FMN1: variants seen among roughly 807,000 people sequenced by gnomAD.
The protein encoded by FMN1 is formin 1.
A neutral mutation model predicts 132.4 loss-of-function variants in FMN1; 110 were observed. The ratio of observed to expected loss-of-function variants is 0.83; its 90% CI spans 0.71 to 0.97. FMN1 has a LOEUF of 0.97. Among genes scored for constraint, FMN1 ranks in the 50% least tolerant of loss-of-function variants. The pLI, the probability that FMN1 is intolerant of heterozygous loss-of-function variation, is 0.00. For synonymous variants in FMN1, 722 were observed against 651.7 expected, an observed-to-expected ratio of 1.11 and a Z score of -1.64; for missense variants, 1,792 against 1,705.3, an observed-to-expected ratio of 1.05 and a Z score of -0.90.
intron 7 of FMN1, among the ~76,000 whole-genome samples, chr15:33,006,788 C>T (rs1466215711): frequency 6.6e-6 from 1 of 151,974 alleles, no homozygotes; most frequent in Non-Finnish European, 1.5e-5. Flanking sequence ...ATATGCCAAG[C>T]ACAGAAAGAC....
intron 17 of FMN1, among the ~76,000 whole-genome samples, chr15:32,847,689 C>T (rs2058891725): frequency 6.6e-6 from 1 of 152,168 alleles, no homozygotes; most frequent in Non-Finnish European, 1.5e-5. Flanking sequence ...CCCGTCTCTA[C>T]TAAAAATTAC....
chr15:32,978,698 G>C (rs544829512), intron 7 of FMN1, among the ~76,000 whole-genome samples: 117 of 152,184 alleles, frequency 7.7e-4, no homozygotes, highest in Non-Finnish European at 1.4e-3. Flanking sequence ...TGACAAACTG[G>C]GGTTCTCCAA....
At chr15:32,920,198 G>A (rs1232001866) in intron 10 of FMN1, among the ~76,000 whole-genome samples, 1 of 152,102 alleles carries the variant, frequency 6.6e-6, no homozygotes, top group Non-Finnish European at 1.5e-5. Context: ...AAGAATAAGA[G>A]GAACTCACTA....
chr15:33,126,376 G>A (rs1004930623), intron 4 of FMN1, among the ~76,000 whole-genome samples: 4 of 152,170 alleles, frequency 2.6e-5, no homozygotes, highest in African/African-American at 9.6e-5. Flanking sequence ...AGAGCAGCAC[G>A]CAGTGTGCAC....
chr15:32,921,016 G>A (rs2060807235), intron 10 of FMN1, among the ~76,000 whole-genome samples: 1 of 152,140 alleles, frequency 6.6e-6, no homozygotes, highest in African/African-American at 2.4e-5. Context: ...GCAAGGTGCT[G>A]GGGATACATC....
chr15:33,146,742 A>C (rs1964237018), intron 4 of FMN1, among the ~76,000 whole-genome samples: 1 of 152,176 alleles, frequency 6.6e-6, no homozygotes, highest in South Asian at 2.1e-4. Flanking sequence ...AACAGAAGTC[A>C]CTATCCCTGT....
At chr15:33,035,832 C>A (rs1304109915) in intron 6 of FMN1, among the ~76,000 whole-genome samples, 1 of 152,166 alleles carries the variant, frequency 6.6e-6, no homozygotes, top group East Asian at 1.9e-4. Context: ...AGAGGCAGGG[C>A]CTTTAAGAGG....
chr15:33,091,618 T>C (rs1017549420), intron 4 of FMN1, among the ~76,000 whole-genome samples: 5 of 152,214 alleles, frequency 3.3e-5, no homozygotes, highest in African/African-American at 1.2e-4. Flanking sequence ...CTCAAAAGTC[T>C]GACAAAGTAG....
intron 5 of FMN1, among the ~76,000 whole-genome samples, chr15:33,087,008 G>A (rs947914729): frequency 6.6e-6 from 1 of 152,170 alleles, no homozygotes; most frequent in Non-Finnish European, 1.5e-5. Context: ...TAATGAGCCG[G>A]AGAACACAAG....
intron 9 of FMN1, among the ~76,000 whole-genome samples, chr15:32,940,971 G>A (rs2061388551): frequency 6.6e-6 from 1 of 152,024 alleles, no homozygotes; most frequent in Admixed American, 6.6e-5. Flanking sequence ...CATATTAAAA[G>A]GAGTTAGTTA....
chr15:32,987,050 T>C (rs2033113450), intron 7 of FMN1, among the ~76,000 whole-genome samples: 1 of 152,182 alleles, frequency 6.6e-6, no homozygotes, highest in Non-Finnish European at 1.5e-5. Context: ...GGGTTATAGA[T>C]GGCTACATTT....
Position 32,768,103 on chromosome 15 carries a change from A to G in FMN1, c.*6207T>C, listed in dbSNP as rs977385409. ...GAGCAGTATAATTTTTGTATGCTAT[A>G]AACTCCTTTTTATACATCTCCTATA... On this transcript the variant is annotated 3_prime_UTR_variant, in exon 21 of 21. Coordinates refer to ENST00000616417, the MANE Select transcript of FMN1 (RefSeq NM_001277313.2). The G allele has an allele frequency of 1.3e-5, 2 of 152,214 alleles. No individual in the cohort carries two copies. The highest frequency in any genetic ancestry group is 2.4e-5 in the African/African-American group (1 of 41,456). 9.4% of individuals were successfully genotyped at this position (152,214 alleles called of 1,614,324 possible). A position where few individuals can be genotyped will look rare whatever the true frequency, so the allele number is the denominator to read the frequency against.
rs908303151 is a variant in FMN1 at position 32,969,340 on chromosome 15, C to T, written c.2361G>A (p.Val787=). The T allele has an allele frequency of 6.2e-7, 1 of 1,613,966 alleles. No homozygotes were observed. Among genetic ancestry groups the T allele is most frequent in the Non-Finnish European group, 8.5e-7 (1 of 1,179,882 alleles). ...WRGGCEERKD[V]CISTDDDCPP... is the part of the protein sequence containing the mutation. ...GGCAGTCATCATCGGTGGAAATGCA[C>T]ACATCTTTCCTCTCTTCACAACCCC... Residue 787 remains valine, a synonymous_variant, in exon 8 of 21, where the codon GTG becomes GTA. Coordinates refer to ENST00000616417, the MANE Select transcript of FMN1 (RefSeq NM_001277313.2).
At chr15:32,798,656 G>A (rs762143934) in intron 19 of FMN1, 148 bp downstream of exon 19, 19 of 656,248 alleles carry the variant, frequency 2.9e-5, no homozygotes, top group Non-Finnish European at 3.9e-5. Flanking sequence ...ATTTCCCTAC[G>A]ATCCCTGAGG....
At chr15:32,803,888 C>T (rs1321713075) in intron 18 of FMN1, among the ~76,000 whole-genome samples, 1 of 152,138 alleles carries the variant, frequency 6.6e-6, no homozygotes, top group Non-Finnish European at 1.5e-5. Flanking sequence ...AAAAATATTC[C>T]TAAGTCCTGC....
chr15:33,023,787 G>A (rs1237883388), intron 6 of FMN1, among the ~76,000 whole-genome samples: 1 of 152,164 alleles, frequency 6.6e-6, no homozygotes, highest in Non-Finnish European at 1.5e-5. Flanking sequence ...GCAACATATG[G>A]AAACATAATA....
chr15:33,102,843 G>A (rs145557879), intron 4 of FMN1, among the ~76,000 whole-genome samples: 2 of 152,066 alleles, frequency 1.3e-5, no homozygotes, highest in Non-Finnish European at 2.9e-5. Flanking sequence ...TCAGTGTAAA[G>A]AAATGTACTT....
At chr15:32,895,673 T>C (rs964503592) in intron 15 of FMN1, among the ~76,000 whole-genome samples, 1 of 152,202 alleles carries the variant, frequency 6.6e-6, no homozygotes, top group African/African-American at 2.4e-5. Flanking sequence ...TGGCAATTTA[T>C]GTCTTCTATA....
intron 7 of FMN1, among the ~76,000 whole-genome samples, chr15:33,001,368 T>A (rs1019584007): frequency 2.0e-5 from 3 of 152,324 alleles, no homozygotes; most frequent in Non-Finnish European, 2.9e-5. Context: ...TTTAAATGAA[T>A]CAATTTCTGG....
Sources: allele counts gnomAD v4.1 joint callset (sites outside exome capture counted in the v4.1 genomes callset), GRCh38; gene constraint gnomAD v4.1.1; transcripts MANE v1.5; gene names NCBI Gene and HGNC (gene_info 2026-07-23, HGNC 2026-07-21).